The following C16orf74 variants were observed in gnomAD, a reference collection of about 807,000 sequenced individuals.
C16orf74 encodes the protein calcimembrin, also known as uncharacterized protein C16orf74.
C16orf74 carries 10 observed loss-of-function variants against 6.5 expected under a neutral mutation model. That is an observed-to-expected ratio of 1.54 (90% CI 0.95 to 2.61). The LOEUF (loss-of-function observed/expected upper bound fraction) is 2.61, where lower values mean the gene tolerates loss of function less well. Among genes scored for constraint, C16orf74 ranks in the 30% most tolerant of loss-of-function variants. The pLI is 0.00. For missense variants in C16orf74, 141 were observed against 105.9 expected (o/e 1.33, Z -1.45); for synonymous variants, 60 against 42.5 (o/e 1.41, Z -1.60).
chr16:85,744,144 G>C (rs996762389), intron 1 of C16orf74: 1 of 134,442 alleles, frequency 7.4e-6, no homozygotes, highest in Non-Finnish European at 1.5e-5. Flanking sequence ...AGAATTGCTT[G>C]AACCTGGGAG....
In C16orf74 at chr16:85,740,211, CAAAAAA is replaced by C. The variant is rs1314457386; in HGVS notation, c.-18-4982_-18-4977del. Among the ~76,000 whole-genome samples the C allele has an allele frequency of 3.8e-3, 227 of 60,226 alleles. 3 individuals are homozygous for C. Among genetic ancestry groups the C allele is most frequent in the African/African-American group, 0.014 (216 of 14,922 alleles). The allele number at this position is 60,226 out of a possible 152,430, so 39.5% of individuals were successfully genotyped here. A position where few individuals can be genotyped will look rare whatever the true frequency, so the allele number is the denominator to read the frequency against. ...GGGCGACAAGAACGAGACTTTGTCT[CAAAAAA>C]AAAAAAAAAAAAAGAAAAAGAAATG... On this transcript the variant is annotated intron_variant, in intron 1 of 3. Coordinates refer to ENST00000284245, the MANE Select transcript of C16orf74 (RefSeq NM_206967.3).
In C16orf74 at chr16:85,732,574, G is replaced by A. The variant is rs551616301; in HGVS notation, c.28+2616C>T. Reference sequence around the variant, plus strand: ...CCAGCTACTCAGGAGGCTGAGGCAGGAGAATTGCTTGAACCCGGGAGGCGG... The same window carrying A: ...CCAGCTACTCAGGAGGCTGAGGCAGAAGAATTGCTTGAACCCGGGAGGCGG... On this transcript the variant is annotated intron_variant, in intron 2 of 3. Coordinates refer to ENST00000284245, the MANE Select transcript of C16orf74 (RefSeq NM_206967.3). Among the ~76,000 whole-genome samples, 496 of 140,868 alleles carry A rather than the reference G, an allele frequency of 3.5e-3. 1 individual carries two copies. Among genetic ancestry groups the A allele is most frequent in the African/African-American group, 0.012 (484 of 39,238 alleles). The allele number at this position is 140,868 out of a possible 152,430, so 92.4% of individuals were successfully genotyped here.
intron 2 of C16orf74, among the ~76,000 whole-genome samples, chr16:85,731,863 G>T (rs1373358846): frequency 6.6e-6 from 1 of 152,042 alleles, no homozygotes; most frequent in African/African-American, 2.4e-5. Flanking sequence ...GATAATTTTT[G>T]TATTTTTTGT....
intron 2 of C16orf74, among the ~76,000 whole-genome samples, chr16:85,719,254 G>GA (rs2054055302): frequency 1.3e-5 from 2 of 152,178 alleles, no homozygotes; most frequent in African/African-American, 2.4e-5. Context: ...ACACTGCTGC[G>GA]GAAAGAACGG....
At chr16:85,722,404 G>A (rs1169171275) in intron 2 of C16orf74, among the ~76,000 whole-genome samples, 1 of 152,202 alleles carries the variant, frequency 6.6e-6, no homozygotes, top group Non-Finnish European at 1.5e-5. Context: ...GGGCCCTGTG[G>A]GCAGCTGAAG....
chr16:85,736,729 A>C (rs560159996), intron 1 of C16orf74, among the ~76,000 whole-genome samples: 1 of 152,278 alleles, frequency 6.6e-6, no homozygotes, highest in African/African-American at 2.4e-5. Context: ...CGGATAGTTT[A>C]TCTCAAGACT....
chr16:85,728,046 G>A (rs1280006427), intron 2 of C16orf74, among the ~76,000 whole-genome samples: 1 of 151,854 alleles, frequency 6.6e-6, no homozygotes, highest in African/African-American at 2.4e-5. Context: ...GCTGAGGCAG[G>A]AGAACCACTT....
chr16:85,745,926 A>G (rs766889567), intron 1 of C16orf74, among the ~76,000 whole-genome samples: 6 of 152,248 alleles, frequency 3.9e-5, no homozygotes, highest in Non-Finnish European at 7.3e-5. Context: ...AGATAAACCC[A>G]TCCTGGAGAG....
chr16:85,711,893 G>A (rs758502997), intron 2 of C16orf74, among the ~76,000 whole-genome samples: 1 of 152,210 alleles, frequency 6.6e-6, no homozygotes, highest in Non-Finnish European at 1.5e-5. Context: ...TGTAGGGTCA[G>A]TGTGGGGGTT....
At chr16:85,728,212 G>T (rs142442457) in intron 2 of C16orf74, among the ~76,000 whole-genome samples, 18 of 152,268 alleles carry the variant, frequency 1.2e-4, no homozygotes, top group Admixed American at 4.6e-4. Flanking sequence ...GATTTGTATT[G>T]ATTGGTTTGC....
At chr16:85,749,244 T>C (rs185464913) in intron 1 of C16orf74, among the ~76,000 whole-genome samples, 58 of 152,296 alleles carry the variant, frequency 3.8e-4, no homozygotes, top group African/African-American at 1.4e-3. Context: ...GTCAGTGACT[T>C]TGCCTTTACA....
intron 2 of C16orf74, among the ~76,000 whole-genome samples, chr16:85,731,407 C>T (rs535277673): frequency 6.6e-6 from 1 of 152,326 alleles, no homozygotes; most frequent in East Asian, 1.9e-4. Flanking sequence ...GGATTTGAAC[C>T]CAGGGAGGCC....
intron 2 of C16orf74, among the ~76,000 whole-genome samples, chr16:85,713,217 T>A (rs1352044689): frequency 6.6e-6 from 1 of 152,034 alleles, no homozygotes; most frequent in Non-Finnish European, 1.5e-5. Context: ...CCTCACCCCA[T>A]CTCTACCTCT....
At chr16:85,732,169 T>C (rs973412781) in intron 2 of C16orf74, among the ~76,000 whole-genome samples, 4 of 152,284 alleles carry the variant, frequency 2.6e-5, no homozygotes, top group Non-Finnish European at 4.4e-5. Flanking sequence ...CACCAGGAGC[T>C]TGGCAGGAAG....
chr16:85,740,514 A>G (rs866419794), intron 1 of C16orf74, among the ~76,000 whole-genome samples: 21 of 151,998 alleles, frequency 1.4e-4, no homozygotes, highest in African/African-American at 4.3e-4. Context: ...CATCCTGGCT[A>G]TCACGGTGAA....
chr16:85,751,003 GGCGGCGGTCGGGCTCGGGGGGCC>G lies in C16orf74; in HGVS notation c.-119_-97del, dbSNP rs1270871252. ...CCGCCCGGGCGCTGGTGGTGGTGGC[GGCGGCGGTCGGGCTCGGGGGGCC>G]GCGGCGACGAGCCTGCAAGACAGAG... On this transcript the variant is annotated 5_prime_UTR_variant, in exon 1 of 4. The change abolishes the stop of an existing upstream ORF in the 5' untranslated region. Coordinates refer to ENST00000284245, the MANE Select transcript of C16orf74 (RefSeq NM_206967.3). The G allele has an allele frequency of 6.7e-6, 1 of 149,964 alleles. No individual in the cohort carries two copies. Among genetic ancestry groups the G allele is most frequent in the Non-Finnish European group, 1.5e-5 (1 of 67,350 alleles). The allele number at this position is 149,964 out of a possible 1,614,324, so 9.3% of individuals were successfully genotyped here.
At chr16:85,720,106 G>C (rs1267830916) in intron 2 of C16orf74, among the ~76,000 whole-genome samples, 5 of 151,878 alleles carry the variant, frequency 3.3e-5, no homozygotes, top group Non-Finnish European at 7.4e-5. Flanking sequence ...TTATGGATGA[G>C]GCTGGGGTAG....
rs2053924344 is a variant in C16orf74, at chr16:85,707,546, CA to C, written c.*461del. 1.3e-5 allele frequency: 2 copies of C among 153,760 alleles called. No individual in the cohort carries two copies. Among genetic ancestry groups the C allele is most frequent in the African/African-American group, 4.8e-5 (2 of 41,246 alleles). 9.5% of individuals were successfully genotyped at this position (153,760 alleles called of 1,614,324 possible). A position where few individuals can be genotyped will look rare whatever the true frequency, so the allele number is the denominator to read the frequency against. On this transcript the variant is annotated 3_prime_UTR_variant, in exon 4 of 4. Transcript: ENST00000284245. ...TTACAGAGGATCTTTATTTATAATGCAAAAAAGAAATTATAAATCCCATTTT... is the reference window on the plus strand; with the variant it reads ...TTACAGAGGATCTTTATTTATAATGCAAAAAGAAATTATAAATCCCATTTT...
At chr16:85,710,597 G>A in intron 2 of C16orf74, 1 of 373,032 alleles carries the variant, frequency 2.7e-6, no homozygotes, top group Non-Finnish European at 4.8e-6. Flanking sequence ...TTACCATGTG[G>A]CCCAGCCAGC....
Sources: gnomAD v4.1 joint callset for allele counts (sites outside exome capture counted in the v4.1 genomes callset) on GRCh38, gnomAD v4.1.1 for gene constraint, MANE v1.5 for transcripts, NCBI Gene and HGNC (gene_info 2026-07-23, HGNC 2026-07-21) for gene names.